The following CDH18 variants were observed in gnomAD, a reference collection of about 807,000 sequenced individuals.
CDH18 encodes the protein cadherin-18.
A neutral mutation model predicts 67.9 loss-of-function variants in CDH18; 31 were observed. That is an observed-to-expected ratio of 0.46 (90% CI 0.34 to 0.62). The LOEUF (loss-of-function observed/expected upper bound fraction) is 0.62. CDH18 is among the 20% of genes least tolerant of loss of function. The pLI, the probability that CDH18 is intolerant of heterozygous loss-of-function variation, is 0.01. For synonymous variants in CDH18, 362 were observed against 347.2 expected (o/e 1.04, Z -0.48); for missense variants, 890 against 975.5 (o/e 0.91, Z 1.17).
intron 11 of CDH18, among the ~76,000 whole-genome samples, chr5:19,496,286 A>T (rs146516331): frequency 3.3e-5 from 5 of 152,296 alleles, no homozygotes; most frequent in African/African-American, 9.6e-5. Context: ...GAGTGGATTA[A>T]AGTGACTACA....
At chr5:19,668,257 G>T (rs1027132707) in intron 5 of CDH18, among the ~76,000 whole-genome samples, 1 of 151,882 alleles carries the variant, frequency 6.6e-6, no homozygotes, top group South Asian at 2.1e-4. Flanking sequence ...TGAGTGTTTG[G>T]TATTTGAATG....
chr5:20,495,521 G>C (rs1003495655), intron 1 of CDH18, among the ~76,000 whole-genome samples: 1 of 152,100 alleles, frequency 6.6e-6, no homozygotes, highest in African/African-American at 2.4e-5. Context: ...GACTCCAACT[G>C]TTCTTTTATT....
chr5:20,294,039 T>A (rs1288761753), intron 1 of CDH18, among the ~76,000 whole-genome samples: 1 of 152,192 alleles, frequency 6.6e-6, no homozygotes, highest in Non-Finnish European at 1.5e-5. Flanking sequence ...ATGTACTGCT[T>A]GTTAAATAAT....
rs200034491 is a variant in CDH18, at chr5:19,721,449, C to T, written c.541G>A (p.Val181Met). Residue 181 changes from valine (V) to methionine (M), a missense_variant, in exon 5 of 13, where the codon GTG becomes ATG. Physicochemically the swap from Val to Met is conservative, Grantham distance 21. Around this residue, in one of 2 missense-constraint regions of CDH18, gnomAD observed 234 missense variants for 307.4 expected, o/e 0.76. Coordinates refer to ENST00000382275, the MANE Select transcript of CDH18 (RefSeq NM_004934.5). ...MSDMGTSVLQ[V>M]TATDADDPTY... ...GGGTCATCTGCATCAGTAGCTGTCA[C>T]CTGTAGAACAGAGGTACCTGTGCAT... 6.2e-6 allele frequency: 10 copies of T among 1,611,126 alleles called. No individual in the cohort carries two copies. Among genetic ancestry groups the T allele is most frequent in the Non-Finnish European group, 2.5e-6 (3 of 1,177,800 alleles).
chr5:19,727,517 G>A lies in CDH18; in HGVS notation c.524-6051C>T, dbSNP rs1036512058. On this transcript the variant is annotated intron_variant, in intron 4 of 12. Coordinates refer to ENST00000382275, the MANE Select transcript of CDH18 (RefSeq NM_004934.5). ...TTCTCTGTTCAGAGAGAACAAACTG[G>A]TGACACCTTGTTCTCAGACTTCTAG... Among the ~76,000 whole-genome samples the A allele has an allele frequency of 1.4e-4, 21 of 152,240 alleles. No individual in the cohort carries two copies. The South Asian group carries it at 2.7e-3, about 20-fold the overall frequency.
chr5:20,324,075 A>G (rs1738301607), intron 1 of CDH18, among the ~76,000 whole-genome samples: 1 of 152,206 alleles, frequency 6.6e-6, no homozygotes, highest in Non-Finnish European at 1.5e-5. Context: ...ACAATTTTAA[A>G]ATCAACTAGT....
chr5:20,049,665 A>G (rs528467443), intron 2 of CDH18, among the ~76,000 whole-genome samples: 1 of 151,940 alleles, frequency 6.6e-6, no homozygotes, highest in Non-Finnish European at 1.5e-5. Flanking sequence ...TCACGGTAAT[A>G]TTTTAATAGT....
upstream of CDH18, among the ~76,000 whole-genome samples, chr5:19,989,350 A>G (rs779893937): frequency 1.3e-5 from 2 of 152,236 alleles, no homozygotes; most frequent in Non-Finnish European, 2.9e-5. Flanking sequence ...TTAAAGGAAC[A>G]AGGACTTAAG....
chr5:20,305,520 G>A (rs1392325475), intron 1 of CDH18: 21 of 930,952 alleles, frequency 2.3e-5, no homozygotes, highest in South Asian at 3.9e-5. Flanking sequence ...GGGGCGCAGC[G>A]GCGCAGGGGT....
At chr5:20,149,129 T>C (rs1438631515) in intron 2 of CDH18, among the ~76,000 whole-genome samples, 1 of 152,172 alleles carries the variant, frequency 6.6e-6, no homozygotes, top group African/African-American at 2.4e-5. Context: ...GCTTCAACTA[T>C]ATTCTGACTT....
At chr5:19,546,163 T>C (rs181356857) in intron 8 of CDH18, among the ~76,000 whole-genome samples, 2 of 152,292 alleles carry the variant, frequency 1.3e-5, no homozygotes, top group African/African-American at 2.4e-5. Flanking sequence ...GTATTATTAA[T>C]AGTTAACTTG....
rs568973220 is a variant in CDH18 at position 20,349,220 on chromosome 5, A to C, written c.-579-93715T>G. On this transcript the variant is annotated intron_variant, in intron 1 of 14. Coordinates refer to the CDH18 transcript ENST00000507958. ...TTTTAGATTTCTTTTACTCACACTT[A>C]TTGTGGAAATTTTAGGCATTTACAA... Among the ~76,000 whole-genome samples, 3 of 152,254 alleles carry C rather than the reference A, an allele frequency of 2.0e-5. No homozygotes were observed. In the East Asian group the frequency reaches 5.8e-4, roughly 29 times the overall value.
intron 5 of CDH18, among the ~76,000 whole-genome samples, chr5:19,669,451 T>C (rs2150344422): frequency 6.6e-6 from 1 of 151,692 alleles, no homozygotes; most frequent in African/African-American, 2.4e-5. Context: ...TGCCACCACA[T>C]CTGGCTAATT....
At chr5:20,177,616 A>T (rs1737339399) in intron 2 of CDH18, among the ~76,000 whole-genome samples, 2 of 152,004 alleles carry the variant, frequency 1.3e-5, no homozygotes. Flanking sequence ...GAGGAGATTC[A>T]TGTTTGAGTT....
intron 3 of CDH18, among the ~76,000 whole-genome samples, chr5:19,818,386 A>T (rs907142677): frequency 6.6e-6 from 1 of 152,140 alleles, no homozygotes; most frequent in Non-Finnish European, 1.5e-5. Flanking sequence ...TTATACTCTT[A>T]TTTACAACAT....
rs528144871 is a variant in CDH18 at position 20,329,126 on chromosome 5, A to G, written c.-579-73621T>C. On this transcript the variant is annotated intron_variant, in intron 1 of 14. Transcript: ENST00000507958. ...CCCCAAAACAAAGGAGCTAATAGCTATAAACCATTCCTGAGGGCTTCAATG... is the reference window on the plus strand; with the variant it reads ...CCCCAAAACAAAGGAGCTAATAGCTGTAAACCATTCCTGAGGGCTTCAATG... 2.6e-5 allele frequency among the ~76,000 whole-genome samples: 4 copies of G among 152,354 alleles called. No homozygotes were observed. In the South Asian group the frequency reaches 8.3e-4, roughly 32 times the overall value.
chr5:19,545,478 T>C (rs1433484176), intron 8 of CDH18, among the ~76,000 whole-genome samples: 1 of 152,198 alleles, frequency 6.6e-6, no homozygotes, highest in East Asian at 1.9e-4. Context: ...CTTTTTATCA[T>C]ATACTGTAGA....
At chr5:19,565,170 C>A (rs1242739017) in intron 8 of CDH18, among the ~76,000 whole-genome samples, 2 of 152,064 alleles carry the variant, frequency 1.3e-5, no homozygotes, top group Non-Finnish European at 2.9e-5. Context: ...TCCTTGCTAA[C>A]TGAAGAGCCC....
intron 5 of CDH18, among the ~76,000 whole-genome samples, chr5:19,689,043 A>G (rs1028566739): frequency 1.3e-5 from 2 of 152,124 alleles, no homozygotes; most frequent in African/African-American, 4.8e-5. Context: ...AACATCATAA[A>G]GCAATAAAAT....
Sources: allele counts gnomAD v4.1 joint callset (sites outside exome capture counted in the v4.1 genomes callset), GRCh38; gene constraint gnomAD v4.1.1; regional missense constraint gnomAD v4.1.1; transcripts MANE v1.5; gene names NCBI Gene and HGNC (gene_info 2026-07-23, HGNC 2026-07-21).